The following PRKCH variants were observed in gnomAD, a reference collection of about 807,000 sequenced individuals.
PRKCH encodes the protein protein kinase C eta.
PRKCH carries 28 observed loss-of-function variants against 82.5 expected under a neutral mutation model. The ratio of observed to expected loss-of-function variants is 0.34; its 90% CI spans 0.25 to 0.47. The LOEUF is 0.47. PRKCH is among the 20% of genes least tolerant of loss of function. The probability of loss-of-function intolerance (pLI) is 1.00; values close to 1 mark genes in which losing one functional copy is unlikely to be tolerated. For missense variants in PRKCH, 705 were observed against 881.8 expected (o/e 0.80, Z 2.54); for synonymous variants, 322 against 327.4 (o/e 0.98, Z 0.18).
intron 1 of PRKCH, among the ~76,000 whole-genome samples, chr14:61,389,837 C>T (rs1266009093): frequency 1.3e-5 from 2 of 149,324 alleles, no homozygotes; most frequent in African/African-American, 2.5e-5. Context: ...GAGTTCTTGG[C>T]CTGGTCTAGT....
At chr14:61,541,267 G>A (rs1014058111) in intron 12 of PRKCH, among the ~76,000 whole-genome samples, 2 of 152,246 alleles carry the variant, frequency 1.3e-5, no homozygotes, top group Non-Finnish European at 2.9e-5. Context: ...AGACAGACAC[G>A]CGCCTGCAAC....
At chr14:61,521,930 C>T (rs2042912593) in intron 10 of PRKCH, among the ~76,000 whole-genome samples, 1 of 152,172 alleles carries the variant, frequency 6.6e-6, no homozygotes, top group African/African-American at 2.4e-5. Context: ...CAGGCTCTCT[C>T]CTTATTTCAT....
chr14:61,485,367 A>G (rs976796544), intron 9 of PRKCH, 135 bp from the exon 10 acceptor site: 8 of 1,162,302 alleles, frequency 6.9e-6, no homozygotes, highest in African/African-American at 6.2e-5. Context: ...ACCCTGACCC[A>G]TGGTCAGGAT....
At chr14:61,513,219 T>C (rs953614177) in intron 10 of PRKCH, among the ~76,000 whole-genome samples, 5 of 152,194 alleles carry the variant, frequency 3.3e-5, no homozygotes, top group African/African-American at 1.2e-4. Flanking sequence ...ATAAAGGGAA[T>C]GCAACCAAAG....
chr14:61,243,903 G>C (rs951817063), intron 1 of PRKCH, among the ~76,000 whole-genome samples: 1 of 151,620 alleles, frequency 6.6e-6, no homozygotes, highest in African/African-American at 2.4e-5. Context: ...CTGAGCCCAG[G>C]AGCTTGAGAC....
rs1273370255 is a variant in PRKCH at position 61,511,835 on chromosome 14, A to C, written c.1434-17240A>C. Among the ~76,000 whole-genome samples, 6 of 152,156 alleles carry C rather than the reference A, an allele frequency of 3.9e-5. No individual in the cohort carries two copies. The East Asian group carries it at 9.6e-4, about 24-fold the overall frequency. On this transcript the variant is annotated intron_variant, in intron 10 of 13. Transcript: ENST00000332981. ...CACGCAACCCAGATCAAAAACTTCA[A>C]GTTCACTTCTGTGTCAACGGGATCC...
chr14:61,293,568 G>GCT (rs1447164333), intron 1 of PRKCH, among the ~76,000 whole-genome samples: 3 of 152,150 alleles, frequency 2.0e-5, no homozygotes, highest in Non-Finnish European at 4.4e-5. Flanking sequence ...AAATCACTCA[G>GCT]TTCTCAGAAC....
intron 1 of PRKCH, among the ~76,000 whole-genome samples, chr14:61,228,356 C>T (rs900743666): frequency 6.6e-6 from 1 of 152,182 alleles, no homozygotes; most frequent in Non-Finnish European, 1.5e-5. Flanking sequence ...GTGTTGCGCT[C>T]TGTTTATAGG....
rs146833393 is a variant in PRKCH at position 61,505,193 on chromosome 14, C to G, written c.1433+19537C>G. Among the ~76,000 whole-genome samples, 1,190 of 152,074 alleles carry G rather than the reference C, an allele frequency of 7.8e-3. 12 individuals are homozygous for G. The highest frequency in any genetic ancestry group is 9.5e-3 in the Non-Finnish European group (646 of 67,984). On this transcript the variant is annotated intron_variant, in intron 10 of 13. Coordinates refer to ENST00000332981, the MANE Select transcript of PRKCH (RefSeq NM_006255.5). ...TTGGACTACTATGACAGAACACTAT[C>G]GATTGGGTGGCTTGTAAACAACAGA...
intron 2 of PRKCH, among the ~76,000 whole-genome samples, chr14:61,397,729 A>G (rs532044989): frequency 1.3e-5 from 2 of 152,358 alleles, no homozygotes; most frequent in South Asian, 4.1e-4. Context: ...TTGATAATGA[A>G]GTTAGAAGAA....
At chr14:61,229,944 T>C (rs1566787881) in intron 1 of PRKCH, among the ~76,000 whole-genome samples, 1 of 152,210 alleles carries the variant, frequency 6.6e-6, no homozygotes, top group Non-Finnish European at 1.5e-5. Flanking sequence ...AACATTTTCA[T>C]AAAGGTTTTT....
chr14:61,458,166 C>T (rs947238110), intron 9 of PRKCH, among the ~76,000 whole-genome samples: 4 of 152,202 alleles, frequency 2.6e-5, no homozygotes, highest in South Asian at 2.1e-4. Flanking sequence ...GCCTTAGCAA[C>T]GACCCTTTGC....
intron 12 of PRKCH, chr14:61,545,081 T>G (rs1261178179): frequency 6.7e-6 from 1 of 150,058 alleles, no homozygotes; most frequent in African/African-American, 2.4e-5. Flanking sequence ...GCCGTGCAGC[T>G]CTCATCACTC....
chr14:61,330,963 A>AAT (rs397819603), intron 1 of PRKCH, among the ~76,000 whole-genome samples: 1 of 151,454 alleles, frequency 6.6e-6, no homozygotes, highest in Non-Finnish European at 1.5e-5. Context: ...CTCAAAAAAA[A>AAT]TCCTCAAAAA....
intron 10 of PRKCH, among the ~76,000 whole-genome samples, chr14:61,512,918 G>A (rs1050667654): frequency 6.0e-5 from 9 of 149,160 alleles, no homozygotes; most frequent in African/African-American, 7.7e-5. Context: ...CTGGATTCAC[G>A]TGATCCTTCC....
intron 2 of PRKCH, among the ~76,000 whole-genome samples, chr14:61,426,208 C>T (rs1379483942): frequency 1.3e-5 from 2 of 152,216 alleles, no homozygotes; most frequent in Non-Finnish European, 2.9e-5. Flanking sequence ...CAACCTGGAA[C>T]ACTTTCATTT....
chr14:61,391,714 G>T (rs535909803), intron 2 of PRKCH, among the ~76,000 whole-genome samples: 13 of 152,128 alleles, frequency 8.5e-5, no homozygotes, highest in African/African-American at 3.1e-4. Flanking sequence ...AAGGGATTCT[G>T]TTCTTCATCT....
At chr14:61,498,951 T>G (rs1281098006) in intron 10 of PRKCH, among the ~76,000 whole-genome samples, 1 of 152,158 alleles carries the variant, frequency 6.6e-6, no homozygotes, top group Admixed American at 6.5e-5. Context: ...TAGTGCCAAA[T>G]CTACCCGGAA....
At chr14:61,365,837 T>C (rs1426637008) in intron 1 of PRKCH, among the ~76,000 whole-genome samples, 7 of 152,030 alleles carry the variant, frequency 4.6e-5, no homozygotes, top group Non-Finnish European at 8.8e-5. Context: ...AGGGTTTAAA[T>C]AGCAAGGCAT....
Sources: allele counts gnomAD v4.1 joint callset (sites outside exome capture counted in the v4.1 genomes callset), GRCh38; gene constraint gnomAD v4.1.1; transcripts MANE v1.5; gene names NCBI Gene and HGNC (gene_info 2026-07-23, HGNC 2026-07-21).